CIT: variants seen among roughly 807,000 people sequenced by gnomAD.
CIT encodes citron rho-interacting serine/threonine kinase, also known as citron Rho-interacting kinase.
CIT carries 79 observed loss-of-function variants against 272.7 expected under a neutral mutation model. The observed-to-expected ratio is 0.29, with a 90% CI of 0.24 to 0.35. CIT has a LOEUF of 0.35. Ranked by LOEUF, CIT falls within the 10% of genes least tolerant of loss-of-function variation. The pLI is 1.00. For synonymous variants in CIT, 948 were observed against 995.6 expected (o/e 0.95, Z 0.90); for missense variants, 1,909 against 2,618.3 (o/e 0.73, Z 5.91).
In CIT at chr12:119,784,396, T is replaced by C; in HGVS notation, c.1402-345A>G. Reference sequence around the variant, plus strand: ...ACTTTAATTTTATCCCAAATCCATCTTGATCCCCCCCCATCTCCTTGCAAA... The same window carrying C: ...ACTTTAATTTTATCCCAAATCCATCCTGATCCCCCCCCATCTCCTTGCAAA... On this transcript the variant is annotated intron_variant, in intron 11 of 47. Transcript: ENST00000392521. The surrounding 1 kb of genome is among the most constrained non-coding windows in gnomAD (Gnocchi z 4.7). 1 of 1,236,062 alleles carries C rather than the reference T, an allele frequency of 8.1e-7. No homozygotes were observed. The highest frequency in any genetic ancestry group is 3.0e-5 in the Admixed American group (1 of 33,584). 76.6% of individuals were successfully genotyped at this position (1,236,062 alleles called of 1,614,324 possible).
chr12:119,753,933 G>C (rs1593604364), intron 22 of CIT, among the ~76,000 whole-genome samples: 1 of 152,132 alleles, frequency 6.6e-6, no homozygotes, highest in East Asian at 1.9e-4. Flanking sequence ...CTACTAATAA[G>C]TAGTCTACTA....
chr12:119,781,111 A>G (rs1593718300), intron 13 of CIT, among the ~76,000 whole-genome samples: 1 of 152,180 alleles, frequency 6.6e-6, no homozygotes, highest in African/African-American at 2.4e-5. Context: ...ACCTCTTGAA[A>G]CTTTTAGGAT....
intron 10 of CIT, among the ~76,000 whole-genome samples, chr12:119,789,994 G>C (rs1000555153): frequency 6.6e-6 from 1 of 151,922 alleles, no homozygotes; most frequent in African/African-American, 2.4e-5. Context: ...GATTACAGGG[G>C]TGAGCCACTG....
chr12:119,809,984 C>A (rs1966805670), intron 9 of CIT, among the ~76,000 whole-genome samples: 2 of 152,214 alleles, frequency 1.3e-5, no homozygotes, highest in South Asian at 4.1e-4. Context: ...TCCCCCATAC[C>A]TCGCCCTATG....
rs1240271787 is a variant in CIT at position 119,742,711 on chromosome 12, AACATTTATATTAACACCTACAGGCTATT to A, written c.2905-275_2905-248del. ...ATGCACACCCTGTACAAATATTTTT[AACATTTATATTAACACCTACAGGCTATT>A]AGGAGAAAAGGGAAAAAAAGCAATA... On this transcript the variant is annotated intron_variant, in intron 23 of 47. Coordinates refer to ENST00000392521, the MANE Select transcript of CIT (RefSeq NM_001206999.2). 2.2e-5 allele frequency: 8 copies of A among 361,226 alleles called. No homozygotes were observed. In the Admixed American group the frequency reaches 3.6e-4, roughly 16 times the overall value. The allele number at this position is 361,226 out of a possible 1,614,324, so 22.4% of individuals were successfully genotyped here. A position where few individuals can be genotyped will look rare whatever the true frequency, so the allele number is the denominator to read the frequency against.
chr12:119,767,139 T>C lies in CIT; in HGVS notation c.2252A>G (p.His751Arg). The change falls in exon 19 of 48, where the codon CAC (histidine) becomes CGC (arginine). Residue 751 changes from histidine (H) to arginine (R), a missense_variant. Around this residue, in one of 8 missense-constraint regions of CIT, gnomAD observed 530 missense variants for 822.4 expected, o/e 0.64. Coordinates refer to ENST00000392521, the MANE Select transcript of CIT (RefSeq NM_001206999.2). ...KHREAQVSAQ[H>R]LEVHLKQKEQ... is the part of the protein sequence containing the mutation. ...TTTCTGTTTCAGGTGCACTTCTAGGTGCTGGGCTGAGACTTGGGCCTCCCG... is the reference window on the plus strand; with the variant it reads ...TTTCTGTTTCAGGTGCACTTCTAGGCGCTGGGCTGAGACTTGGGCCTCCCG... 6.2e-7 allele frequency: 1 copy of C among 1,611,014 alleles called. No homozygotes were observed. Among genetic ancestry groups the C allele is most frequent in the Non-Finnish European group, 8.5e-7 (1 of 1,178,510 alleles).
intron 4 of CIT, among the ~76,000 whole-genome samples, chr12:119,853,438 G>GTTTGT (rs1555264954): frequency 1.1e-4 from 16 of 151,288 alleles, no homozygotes; most frequent in South Asian, 2.1e-4. Context: ...TTGTTTGTTT[G>GTTTGT]TTTGTTTTGT....
chr12:119,733,265 C>T (rs895658367), intron 26 of CIT, among the ~76,000 whole-genome samples: 36 of 151,570 alleles, frequency 2.4e-4, no homozygotes, highest in African/African-American at 8.2e-4. Context: ...TGTGGTGGCT[C>T]ACGCTTGTAA....
At chr12:119,742,511 A>T in intron 23 of CIT, 47 bp from the exon 24 acceptor site, 11 of 1,397,608 alleles carry the variant, frequency 7.9e-6, no homozygotes, top group East Asian at 2.3e-5. Context: ...GGTAGAATAC[A>T]ATTCTACATG....
rs1208419058 is a variant in CIT, at chr12:119,768,230, C to CA, written c.2209-1049dup. On this transcript the variant is annotated intron_variant, in intron 18 of 47. Coordinates refer to ENST00000392521, the MANE Select transcript of CIT (RefSeq NM_001206999.2). The surrounding 1 kb of genome is among the most constrained non-coding windows in gnomAD (Gnocchi z 4.3). ...CCTGACCAAGTTTCTAGCTTTTAAA[C>CA]AAAACTGTAATTCACTTGAAAATTG... Among the ~76,000 whole-genome samples, 1 of 152,120 alleles carries CA rather than the reference C, an allele frequency of 6.6e-6. No individual in the cohort carries two copies. Among genetic ancestry groups the CA allele is most frequent in the Non-Finnish European group, 1.5e-5 (1 of 68,020 alleles).
chr12:119,710,577 C>A lies in CIT; in HGVS notation c.4898G>T (p.Arg1633Leu). ...GGGCAGCGTGCAGTTCATGTCTAGA[C>A]GGTCATCACCTTCCAGTTTCAGCAG... The part of the protein sequence containing the change: ...NSLLKLEGDD[R>L]LDMNCTLPFS... Residue 1633 changes from arginine (R) to leucine (L), a missense_variant, in exon 38 of 48, where the codon CGT (arginine) becomes CTT (leucine). Coordinates refer to ENST00000392521, the MANE Select transcript of CIT (RefSeq NM_001206999.2). This position sits in a 1 kb window ranked among gnomAD's most constrained non-coding sequence, Gnocchi z 5.6. 3 of 1,614,204 alleles carry A rather than the reference C, an allele frequency of 1.9e-6. No homozygotes were observed. Among genetic ancestry groups the A allele is most frequent in the South Asian group, 1.1e-5 (1 of 91,082 alleles).
intron 16 of CIT, among the ~76,000 whole-genome samples, chr12:119,773,722 C>T (rs1593687589): frequency 6.6e-6 from 1 of 152,180 alleles, no homozygotes; most frequent in African/African-American, 2.4e-5. Flanking sequence ...GCCACCATGC[C>T]CGGCCTGTGT....
intron 3 of CIT, among the ~76,000 whole-genome samples, chr12:119,866,471 A>G (rs954555722): frequency 2.6e-5 from 4 of 152,146 alleles, no homozygotes; most frequent in Admixed American, 2.6e-4. Flanking sequence ...AAATGGGCCA[A>G]ACAGGAACTA....
At chr12:119,749,599 T>C (rs1215317029) in intron 23 of CIT, among the ~76,000 whole-genome samples, 1 of 152,184 alleles carries the variant, frequency 6.6e-6, no homozygotes, top group Non-Finnish European at 1.5e-5. Context: ...TATGATGGGT[T>C]TGCAAACAGC....
intron 6 of CIT, among the ~76,000 whole-genome samples, chr12:119,833,631 C>T (rs1015790329): frequency 1.4e-5 from 2 of 141,220 alleles, no homozygotes; most frequent in African/African-American, 5.4e-5. Context: ...TACCACTGCA[C>T]TCCAGCCTGG....
chr12:119,822,692 T>C, intron 9 of CIT, 128 bp downstream of exon 9: 1 of 951,486 alleles, frequency 1.1e-6, no homozygotes, highest in Non-Finnish European at 1.6e-6. Context: ...CCTTTACTAC[T>C]CCTGTAGATA....
At chr12:119,842,869 A>G (rs910291652) in intron 5 of CIT, among the ~76,000 whole-genome samples, 11 of 152,232 alleles carry the variant, frequency 7.2e-5, no homozygotes, top group African/African-American at 2.2e-4. Context: ...TCAAATTTCT[A>G]TGAAATTAAT....
At chr12:119,789,693 T>TTTTTTTG (rs1965132954) in intron 10 of CIT, among the ~76,000 whole-genome samples, 1 of 152,080 alleles carries the variant, frequency 6.6e-6, no homozygotes, top group Non-Finnish European at 1.5e-5. Context: ...TAAGATTTTC[T>TTTTTTTG]TTTTTTGTTT....
chr12:119,775,964 T>C (rs757614126), intron 15 of CIT, 125 bp from the exon 16 acceptor site: 20 of 713,748 alleles, frequency 2.8e-5, no homozygotes, highest in Non-Finnish European at 3.9e-5. Flanking sequence ...CCAGAACCTA[T>C]TAAGGGAGAG....
Sources: gnomAD v4.1 joint callset for allele counts (sites outside exome capture counted in the v4.1 genomes callset) on GRCh38, gnomAD v4.1.1 for gene constraint, gnomAD v4.1.1 regional missense constraint, Gnocchi (gnomAD v3.1) non-coding constraint, MANE v1.5 for transcripts, NCBI Gene and HGNC (gene_info 2026-07-23, HGNC 2026-07-21) for gene names.